SCAPER: variants seen among roughly 807,000 people sequenced by gnomAD.
SCAPER encodes the protein S-phase cyclin A associated protein in the ER.
A neutral mutation model predicts 182.2 loss-of-function variants in SCAPER; 98 were observed. That is an observed-to-expected ratio of 0.54 (90% confidence interval 0.46 to 0.64). The LOEUF is 0.64. Ranked by LOEUF, SCAPER falls within the 30% of genes least tolerant of loss-of-function variation. The pLI is 0.00. For missense variants in SCAPER, 1,432 were observed against 1,690.0 expected, an observed-to-expected ratio of 0.85 and a Z score of 2.68; for synonymous variants, 605 against 564.6, an observed-to-expected ratio of 1.07 and a Z score of -1.01.
intron 8 of SCAPER, among the ~76,000 whole-genome samples, chr15:76,783,105 G>T (rs1171293319): frequency 3.3e-5 from 5 of 151,696 alleles, no homozygotes; most frequent in East Asian, 1.9e-4. Context: ...TGTTTTTTTT[G>T]AAAAGATCAA....
chr15:76,760,895 C>T (rs948566353), intron 14 of SCAPER, among the ~76,000 whole-genome samples: 2 of 152,172 alleles, frequency 1.3e-5, no homozygotes, highest in African/African-American at 4.8e-5. Flanking sequence ...AAAGTGTTCC[C>T]TCTTCTTTTA....
At chr15:76,475,242 T>A (rs892773649) in intron 24 of SCAPER, among the ~76,000 whole-genome samples, 2 of 152,148 alleles carry the variant, frequency 1.3e-5, no homozygotes, top group African/African-American at 4.8e-5. Context: ...TTTACATTTA[T>A]TTTTTATCCC....
chr15:76,371,832 C>T (rs539440203), intron 29 of SCAPER, among the ~76,000 whole-genome samples: 15 of 151,904 alleles, frequency 9.9e-5, no homozygotes, highest in South Asian at 4.2e-4. Flanking sequence ...GCAGGAGAAT[C>T]GCTTGAACCC....
intron 25 of SCAPER, among the ~76,000 whole-genome samples, chr15:76,441,024 C>T (rs966332242): frequency 1.3e-5 from 2 of 149,348 alleles, no homozygotes; most frequent in African/African-American, 4.9e-5. Flanking sequence ...CAGGTTCACG[C>T]CATTCTCCCA....
At chr15:76,819,998 T>C (rs1437161547) in intron 5 of SCAPER, among the ~76,000 whole-genome samples, 8 of 152,186 alleles carry the variant, frequency 5.3e-5, no homozygotes, top group Non-Finnish European at 8.8e-5. Context: ...ATGCTCATCA[T>C]CACTGGACAT....
intron 15 of SCAPER, among the ~76,000 whole-genome samples, chr15:76,738,785 C>T (rs575236705): frequency 1.3e-5 from 2 of 152,182 alleles, no homozygotes; most frequent in African/African-American, 4.8e-5. Context: ...TCACTTATCA[C>T]AGATCACCAT....
At chr15:76,353,868 T>A in intron 30 of SCAPER, 81 bp downstream of exon 30, 1 of 1,279,272 alleles carries the variant, frequency 7.8e-7, no homozygotes, top group Non-Finnish European at 1.0e-6. Flanking sequence ...AAGGCAAAAA[T>A]AAACAGCTGG....
chr15:76,824,498 G>C (rs2151670540), intron 5 of SCAPER, among the ~76,000 whole-genome samples: 1 of 152,304 alleles, frequency 6.6e-6, no homozygotes, highest in Admixed American at 6.5e-5. Context: ...TGCACTGCAT[G>C]AGAAGTCAGT....
intron 23 of SCAPER, among the ~76,000 whole-genome samples, chr15:76,522,227 G>A (rs1419534194): frequency 6.6e-6 from 1 of 152,004 alleles, no homozygotes; most frequent in African/African-American, 2.4e-5. Flanking sequence ...AAAAACCTAT[G>A]GAGAATAATA....
At chr15:76,706,492 C>G (rs1453900969) in intron 17 of SCAPER, among the ~76,000 whole-genome samples, 1 of 152,026 alleles carries the variant, frequency 6.6e-6, no homozygotes, top group Non-Finnish European at 1.5e-5. Flanking sequence ...ATTGAAGAAA[C>G]TATAAACTTA....
chr15:76,829,129 C>A (rs2068246065), intron 5 of SCAPER, among the ~76,000 whole-genome samples: 1 of 152,072 alleles, frequency 6.6e-6, no homozygotes, highest in Non-Finnish European at 1.5e-5. Context: ...AGCCATAAAA[C>A]AGAATGAAAT....
intron 5 of SCAPER, among the ~76,000 whole-genome samples, chr15:76,808,506 T>A (rs551494145): frequency 1.3e-5 from 2 of 152,156 alleles, no homozygotes; most frequent in African/African-American, 2.4e-5. Context: ...AAGAGCTGCT[T>A]TTTAAACAGG....
chr15:76,888,385 G>C (rs1158672413), intron 1 of SCAPER, among the ~76,000 whole-genome samples: 1 of 152,082 alleles, frequency 6.6e-6, no homozygotes, highest in Non-Finnish European at 1.5e-5. Flanking sequence ...CCAAACTAAA[G>C]GAACATGTTC....
At chr15:76,713,898 A>T (rs542094553) in intron 17 of SCAPER, among the ~76,000 whole-genome samples, 20 of 152,314 alleles carry the variant, frequency 1.3e-4, no homozygotes, top group African/African-American at 4.1e-4. Flanking sequence ...ACTCAAGAGA[A>T]GCAAAAGTGA....
intron 20 of SCAPER, among the ~76,000 whole-genome samples, chr15:76,690,092 T>C (rs939429463): frequency 6.6e-5 from 10 of 151,314 alleles, no homozygotes; most frequent in Non-Finnish European, 1.0e-4. Context: ...TTCCAAGATA[T>C]GGAAAAAAAA....
chr15:76,872,774 G>A (rs906578544), intron 2 of SCAPER, among the ~76,000 whole-genome samples: 2 of 151,316 alleles, frequency 1.3e-5, no homozygotes, highest in East Asian at 1.9e-4. Flanking sequence ...ATAAATAAAA[G>A]AGTATGAATA....
At chr15:76,649,449 C>A (rs950534864) in intron 21 of SCAPER, among the ~76,000 whole-genome samples, 6 of 147,542 alleles carry the variant, frequency 4.1e-5, no homozygotes, top group African/African-American at 1.5e-4. Flanking sequence ...CCACCACCCC[C>A]AAAAAAAAAC....
In SCAPER at chr15:76,381,549, G is replaced by A. The variant is rs200209445; in HGVS notation, c.3534C>T (p.Thr1178=). 2.0e-4 allele frequency: 327 copies of A among 1,611,712 alleles called. No individual in the cohort carries two copies. The highest frequency in any genetic ancestry group is 2.5e-4 in the Non-Finnish European group (298 of 1,178,986). ...PTGLTAALQA[T]DLAGVLHMLY... ...GCATATGAAGAACTCCAGCCAGGTC[G>A]GTTGCCTGAAGAGCAGCTGTCAGCC... is the stretch of plus-strand genomic sequence containing the variant. The change falls in exon 28 of 32, where the codon ACC becomes ACT. Residue 1178 remains threonine, a synonymous_variant. Transcript: ENST00000563290.
chr15:76,873,663 CAA>C (rs2072945644), intron 2 of SCAPER, among the ~76,000 whole-genome samples: 1 of 152,006 alleles, frequency 6.6e-6, no homozygotes. Flanking sequence ...AATTAAGTAA[CAA>C]TATAGAAGAT....
Sources: gnomAD v4.1 joint callset for allele counts (sites outside exome capture counted in the v4.1 genomes callset) on GRCh38, gnomAD v4.1.1 for gene constraint, MANE v1.5 for transcripts, NCBI Gene and HGNC (gene_info 2026-07-23, HGNC 2026-07-21) for gene names.